The following LNX1 variants were observed in gnomAD, a reference collection of about 807,000 sequenced individuals.
LNX1 encodes the protein E3 ubiquitin-protein ligase LNX.
In LNX1, 54 loss-of-function variants were observed where a neutral mutation model predicts 68.4. The ratio of observed to expected loss-of-function variants is 0.79; its 90% CI spans 0.63 to 0.99. LNX1 has a LOEUF of 0.99. Among genes scored for constraint, LNX1 ranks in the 50% least tolerant of loss-of-function variants. The probability of loss-of-function intolerance (pLI) is 0.00; values close to 1 mark genes in which losing one functional copy is unlikely to be tolerated. For synonymous variants in LNX1, 336 were observed against 350.0 expected (o/e 0.96, Z 0.45); for missense variants, 906 against 926.4 (o/e 0.98, Z 0.29).
upstream of LNX1, among the ~76,000 whole-genome samples, chr4:53,595,106 A>G (rs1334763122): frequency 6.6e-6 from 1 of 152,250 alleles, no homozygotes; most frequent in African/African-American, 2.4e-5. Flanking sequence ...GGAATATTTC[A>G]TGAAGAAAGG....
At position 53,573,605 on chromosome 4, in the gene LNX1, C is replaced by T. The variant is rs1443921460; in HGVS notation, c.380+18G>A. 16 of 1,582,136 alleles carry T rather than the reference C, an allele frequency of 1.0e-5. No homozygotes were observed. Among genetic ancestry groups the T allele is most frequent in the Admixed American group, 3.5e-5 (2 of 56,898 alleles). ...CGCTTGGGGGTGGGACTTACCGGCTCGCTGATGGGGGACCTACCTGGTTTG... is the reference window on the plus strand; with the variant it reads ...CGCTTGGGGGTGGGACTTACCGGCTTGCTGATGGGGGACCTACCTGGTTTG... On this transcript the variant is annotated intron_variant, in intron 2 of 10. Coordinates refer to ENST00000263925, the MANE Select transcript of LNX1 (RefSeq NM_001126328.3).
intron 6 of LNX1, among the ~76,000 whole-genome samples, chr4:53,492,794 A>G (rs1443113687): frequency 6.6e-6 from 1 of 152,038 alleles, no homozygotes; most frequent in African/African-American, 2.4e-5. Context: ...CACGTTGGGC[A>G]AGGGGTGGAA....
rs1731303346 is a variant in LNX1, at chr4:53,573,623, C to T, written c.380G>A (p.Ser127Asn). The T allele has an allele frequency of 6.3e-7, 1 of 1,598,156 alleles. No homozygotes were observed. Among genetic ancestry groups the T allele is most frequent in the Non-Finnish European group, 8.5e-7 (1 of 1,172,662 alleles). ...ACCGGCTCGCTGATGGGGGACCTAC[C>T]TGGTTTGAAAGTGATGCTCGAGGTC... ...RCDLEHHFQTSCKGASHYGLT... is the reference protein window; with the variant it reads ...RCDLEHHFQTNCKGASHYGLT... The change falls in exon 2 of 11, where the codon AGC becomes AAC. Residue 127 changes from serine to asparagine, a missense_variant and splice_region_variant. Transcript: ENST00000263925.
In LNX1 at chr4:53,573,744, A is replaced by G; in HGVS notation, c.259T>C (p.Cys87Arg). Reference sequence around the variant, plus strand: ...TTGACCAGGATGCTGGACTTCTTGCAGTGCTGCAGAACCAGAGGCTTGCGG... The same window carrying G: ...TTGACCAGGATGCTGGACTTCTTGCGGTGCTGCAGAACCAGAGGCTTGCGG... ...MDRKPLVLQH[C>R]KKSSILVNKL... Residue 87 changes from cysteine (C) to arginine (R), a missense_variant, in exon 2 of 11, where the codon TGC becomes CGC. Physicochemically the swap from Cys to Arg is radical, Grantham distance 180. Coordinates refer to ENST00000263925, the MANE Select transcript of LNX1 (RefSeq NM_001126328.3). The G allele has an allele frequency of 6.2e-7, 1 of 1,611,790 alleles. No individual in the cohort carries two copies. The highest frequency in any genetic ancestry group is 8.5e-7 in the Non-Finnish European group (1 of 1,179,010).
At chr4:53,557,460 T>G (rs1729992513) in intron 2 of LNX1, among the ~76,000 whole-genome samples, 1 of 152,132 alleles carries the variant, frequency 6.6e-6, no homozygotes, top group South Asian at 2.1e-4. Flanking sequence ...TTTTCAGGTA[T>G]AGAGACTGTC....
At chr4:53,491,194 G>A (rs1485725391) in intron 6 of LNX1, among the ~76,000 whole-genome samples, 1 of 151,746 alleles carries the variant, frequency 6.6e-6, no homozygotes, top group Non-Finnish European at 1.5e-5. Flanking sequence ...GAGTTGCACC[G>A]ATTGACCTGC....
chr4:53,631,060 T>C lies in LNX1; in HGVS notation c.-215+21108A>G, dbSNP rs1734250761. Reference sequence around the variant, plus strand: ...AAGTGCTCCTGGGCCAAAAGTACAGTTCTATGGACCGCTGGGTCAATATAG... The same window carrying C: ...AAGTGCTCCTGGGCCAAAAGTACAGCTCTATGGACCGCTGGGTCAATATAG... On this transcript the variant is annotated intron_variant, in intron 1 of 2. Transcript: ENST00000507168. Among the ~76,000 whole-genome samples the C allele has an allele frequency of 2.6e-5, 4 of 152,160 alleles. 1 individual carries two copies. In the South Asian group the frequency reaches 8.3e-4, roughly 32 times the overall value.
chr4:53,579,357 C>A (rs1731687278), intron 1 of LNX1: 1 of 752,120 alleles, frequency 1.3e-6, no homozygotes, highest in East Asian at 1.3e-4. Context: ...AGGACAGAAA[C>A]CAGAGGTGAT....
chr4:53,575,926 G>A, intron 1 of LNX1: 2 of 1,570,802 alleles, frequency 1.3e-6, no homozygotes, highest in East Asian at 2.2e-5. Flanking sequence ...GCAGTGTCTT[G>A]GGGTCAGCAC....
chr4:53,602,194 A>C (rs907794804), intron 2 of LNX1, among the ~76,000 whole-genome samples: 54 of 152,222 alleles, frequency 3.5e-4, no homozygotes, highest in South Asian at 2.1e-4. Flanking sequence ...GGATGGATCC[A>C]AATCTGTGAC....
At chr4:53,472,544 TG>T (rs1184781696) in intron 9 of LNX1, among the ~76,000 whole-genome samples, 6 of 150,946 alleles carry the variant, frequency 4.0e-5, no homozygotes, top group African/African-American at 1.2e-4. Flanking sequence ...AACAAAAAAG[TG>T]GGAAGTGAAA....
At chr4:53,580,652 A>G (rs1317587700) in intron 1 of LNX1, among the ~76,000 whole-genome samples, 5 of 152,228 alleles carry the variant, frequency 3.3e-5, no homozygotes, top group Admixed American at 3.3e-4. Flanking sequence ...TTAAAAACAA[A>G]AGCAATGGCT....
chr4:53,496,846 C>T (rs531759676), intron 5 of LNX1, among the ~76,000 whole-genome samples: 15 of 152,268 alleles, frequency 9.9e-5, no homozygotes, highest in African/African-American at 3.6e-4. Flanking sequence ...ATTTTTCTCC[C>T]TGGGTCAACT....
intron 1 of LNX1, among the ~76,000 whole-genome samples, chr4:53,648,052 C>G (rs1181771122): frequency 6.6e-6 from 1 of 152,214 alleles, no homozygotes; most frequent in African/African-American, 2.4e-5. Flanking sequence ...GTGAATAATG[C>G]TGCCATAAAT....
intron 2 of LNX1, among the ~76,000 whole-genome samples, chr4:53,606,700 A>C (rs1218311537): frequency 6.6e-6 from 1 of 152,204 alleles, no homozygotes; most frequent in Non-Finnish European, 1.5e-5. Flanking sequence ...CAATGCAAAA[A>C]TCCTCAATAA....
At chr4:53,498,957 A>G (rs1725277262) in intron 4 of LNX1, 114 bp from the exon 5 acceptor site, 1 of 762,284 alleles carries the variant, frequency 1.3e-6, no homozygotes, top group South Asian at 1.7e-5. Flanking sequence ...TTCCTCATAC[A>G]TGTTTTCCAT....
chr4:53,631,363 A>G (rs1734262645), intron 1 of LNX1, among the ~76,000 whole-genome samples: 1 of 152,234 alleles, frequency 6.6e-6, no homozygotes, highest in South Asian at 2.1e-4. Context: ...TTCAGCAGAA[A>G]GAGACCTGCT....
chr4:53,599,021 C>T (rs17083184), intron 2 of LNX1, among the ~76,000 whole-genome samples: 8,450 of 152,190 alleles, frequency 0.056, 366 homozygotes, highest in African/African-American at 0.11. Flanking sequence ...TTACATGAGA[C>T]AGCAGGCCAG....
At chr4:53,605,901 A>C (rs891755896) in intron 2 of LNX1, among the ~76,000 whole-genome samples, 2 of 152,200 alleles carry the variant, frequency 1.3e-5, no homozygotes, top group Non-Finnish European at 2.9e-5. Context: ...TGCAGCAATC[A>C]CCAGATATCA....
Sources: gnomAD v4.1 joint callset for allele counts (sites outside exome capture counted in the v4.1 genomes callset) on GRCh38, gnomAD v4.1.1 for gene constraint, MANE v1.5 for transcripts, NCBI Gene and HGNC (gene_info 2026-07-23, HGNC 2026-07-21) for gene names.